The following ROR1 variants were observed in gnomAD, a reference collection of about 807,000 sequenced individuals.
ROR1 encodes ROR family WNT receptor 1.
A neutral mutation model predicts 78.8 loss-of-function variants in ROR1; 19 were observed. That is an observed-to-expected ratio of 0.24 (90% confidence interval 0.17 to 0.35). The LOEUF (loss-of-function observed/expected upper bound fraction) is 0.35. ROR1 is among the 10% of genes least tolerant of loss of function. The pLI is 1.00. For synonymous variants in ROR1, 386 were observed against 433.6 expected (o/e 0.89, Z 1.36); for missense variants, 917 against 1,177.8 (o/e 0.78, Z 3.24).
chr1:64,033,935 C>G (rs1646680675), intron 2 of ROR1, among the ~76,000 whole-genome samples: 1 of 152,118 alleles, frequency 6.6e-6, no homozygotes, highest in African/African-American at 2.4e-5. Context: ...GGACTCAAAC[C>G]CAGGTCCACC....
chr1:63,883,238 A>G (rs915394409), intron 1 of ROR1, among the ~76,000 whole-genome samples: 1 of 152,068 alleles, frequency 6.6e-6, no homozygotes, highest in African/African-American at 2.4e-5. Flanking sequence ...GAGGAAAAAA[A>G]ATATCCCTAC....
intron 4 of ROR1, among the ~76,000 whole-genome samples, chr1:64,125,583 T>C (rs1648683058): frequency 1.3e-5 from 2 of 152,274 alleles, no homozygotes; most frequent in Admixed American, 1.3e-4. Context: ...CCAGGGATTG[T>C]GAAGCCTTTT....
chr1:63,843,540 TC>T, intron 1 of ROR1: 2 of 739,872 alleles, frequency 2.7e-6, no homozygotes, highest in Non-Finnish European at 4.9e-6. Context: ...CTTGGTCTCC[TC>T]CAGGATGATG....
intron 7 of ROR1, among the ~76,000 whole-genome samples, chr1:64,149,796 C>T (rs1045714299): frequency 5.3e-5 from 8 of 152,212 alleles, no homozygotes; most frequent in African/African-American, 1.7e-4. Flanking sequence ...TTCTTTCTAA[C>T]TGGCATCTAG....
rs373418372 is a variant in ROR1, at chr1:64,002,292, C to A, written c.92-7013C>A. 2.1e-3 allele frequency among the ~76,000 whole-genome samples: 327 copies of A among 152,188 alleles called. 2 individuals are homozygous for A. Among genetic ancestry groups the A allele is most frequent in the African/African-American group, 7.6e-3 (316 of 41,522 alleles). On this transcript the variant is annotated intron_variant, in intron 1 of 8. Coordinates refer to ENST00000371079, the MANE Select transcript of ROR1 (RefSeq NM_005012.4). ...GGGATTACAGGCATGCACCACCACGCCCAGCTAATTTTTGTATTTTCAGTA... is the reference window on the plus strand; with the variant it reads ...GGGATTACAGGCATGCACCACCACGACCAGCTAATTTTTGTATTTTCAGTA...
chr1:63,954,391 G>C (rs72912841), intron 1 of ROR1, among the ~76,000 whole-genome samples: 1 of 152,166 alleles, frequency 6.6e-6, no homozygotes, highest in Non-Finnish European at 1.5e-5. Context: ...AGGGAGGCTG[G>C]ACAATGTATA....
At chr1:63,939,492 A>G (rs1645819272) in intron 1 of ROR1, among the ~76,000 whole-genome samples, 1 of 152,230 alleles carries the variant, frequency 6.6e-6, no homozygotes, top group Admixed American at 6.5e-5. Flanking sequence ...CACATTCTAC[A>G]TTCTATTTTA....
At chr1:64,059,889 C>T (rs1435530008) in intron 4 of ROR1, among the ~76,000 whole-genome samples, 1 of 152,142 alleles carries the variant, frequency 6.6e-6, no homozygotes, top group Non-Finnish European at 1.5e-5. Context: ...CATCCTGCCT[C>T]CTCTAGTGAC....
intron 1 of ROR1, among the ~76,000 whole-genome samples, chr1:64,006,875 C>T (rs1374107189): frequency 1.9e-4 from 29 of 152,154 alleles, no homozygotes; most frequent in Admixed American, 1.8e-3. Context: ...TAGAAGTATG[C>T]CTTTGCAAGG....
chr1:63,923,447 C>T (rs887408751), intron 1 of ROR1, among the ~76,000 whole-genome samples: 3 of 152,008 alleles, frequency 2.0e-5, no homozygotes, highest in African/African-American at 7.2e-5. Context: ...ACAGTAGGTA[C>T]CCAGGCAAAG....
chr1:63,804,334 A>G (rs1644815531), intron 1 of ROR1, among the ~76,000 whole-genome samples: 1 of 152,200 alleles, frequency 6.6e-6, no homozygotes, highest in African/African-American at 2.4e-5. Context: ...GGATGTACCA[A>G]TGCTGATTTC....
Position 64,142,392 on chromosome 1 carries a change from G to T in ROR1, c.929-13G>T. On this transcript the variant is annotated splice_polypyrimidine_tract_variant and intron_variant, in intron 6 of 8. Coordinates refer to ENST00000371079, the MANE Select transcript of ROR1 (RefSeq NM_005012.4). ...TTTCTTTCTAATTGTTTGGGTTTTTGTGTGTTTTTCAGATCACAAGTGTTA... is the reference window on the plus strand; with the variant it reads ...TTTCTTTCTAATTGTTTGGGTTTTTTTGTGTTTTTCAGATCACAAGTGTTA... The T allele has an allele frequency of 6.2e-7, 1 of 1,612,984 alleles. No individual in the cohort carries two copies. The highest frequency in any genetic ancestry group is 8.5e-7 in the Non-Finnish European group (1 of 1,179,318).
intron 1 of ROR1, among the ~76,000 whole-genome samples, chr1:63,920,864 T>A (rs907955639): frequency 2.0e-5 from 3 of 152,130 alleles, no homozygotes; most frequent in Non-Finnish European, 4.4e-5. Context: ...GCCAAAGTGG[T>A]CAGTTAGGAA....
At chr1:64,096,699 G>T (rs1436554768) in intron 4 of ROR1, among the ~76,000 whole-genome samples, 1 of 152,084 alleles carries the variant, frequency 6.6e-6, no homozygotes, top group Non-Finnish European at 1.5e-5. Flanking sequence ...GTGCTGTAAT[G>T]AACATACTCA....
chr1:63,793,696 C>T (rs1034029133), intron 1 of ROR1, among the ~76,000 whole-genome samples: 16 of 152,292 alleles, frequency 1.1e-4, no homozygotes, highest in African/African-American at 3.8e-4. Flanking sequence ...CCTCCCAGGA[C>T]CTCCAGAAAG....
chr1:63,948,851 T>A (rs567913339), intron 1 of ROR1, among the ~76,000 whole-genome samples: 14 of 152,334 alleles, frequency 9.2e-5, no homozygotes, highest in Admixed American at 8.5e-4. Flanking sequence ...ACTCTGAATC[T>A]GCCTCTGCTG....
intron 1 of ROR1, among the ~76,000 whole-genome samples, chr1:63,876,779 G>T (rs1645289099): frequency 6.7e-6 from 1 of 150,136 alleles, no homozygotes; most frequent in African/African-American, 2.5e-5. Flanking sequence ...TTTTAGGTTG[G>T]CTATACAGCA....
intron 4 of ROR1, among the ~76,000 whole-genome samples, chr1:64,123,976 G>C (rs1648630151): frequency 6.6e-6 from 1 of 152,054 alleles, no homozygotes; most frequent in Admixed American, 6.5e-5. Flanking sequence ...TGAATATAAT[G>C]GTAACTGTGT....
At position 63,927,962 on chromosome 1, in the gene ROR1, T is replaced by TCC. The variant is rs1557566058; in HGVS notation, c.92-81343_92-81342insCC. Among the ~76,000 whole-genome samples the TCC allele has an allele frequency of 2.1e-3, 304 of 147,384 alleles. 1 individual carries two copies. Among genetic ancestry groups the TCC allele is most frequent in the African/African-American group, 6.8e-3 (280 of 40,956 alleles). On this transcript the variant is annotated intron_variant, in intron 1 of 8. Transcript: ENST00000371079. Reference sequence around the variant, plus strand: ...AAACCAAAATGTAAGGGGTTCCCTTTTTTTTTTTTTTTTTGCCAGCCAGCC... The same window carrying TCC: ...AAACCAAAATGTAAGGGGTTCCCTTTCCTTTTTTTTTTTTTTGCCAGCCAGCC...
Sources: allele counts gnomAD v4.1 joint callset (sites outside exome capture counted in the v4.1 genomes callset), GRCh38; gene constraint gnomAD v4.1.1; transcripts MANE v1.5; gene names NCBI Gene and HGNC (gene_info 2026-07-23, HGNC 2026-07-21).